Variants in STOX1 observed in about 807,000 individuals in gnomAD.
STOX1 encodes the protein storkhead box 1.
Under a neutral mutation model 74.8 loss-of-function variants are expected in STOX1, and 57 were observed. That is an observed-to-expected ratio of 0.76 (90% CI 0.62 to 0.95). The LOEUF (loss-of-function observed/expected upper bound fraction) is 0.95. Among genes scored for constraint, STOX1 ranks in the 40% least tolerant of loss-of-function variants. The pLI, the probability that STOX1 is intolerant of heterozygous loss-of-function variation, is 0.00. For synonymous variants in STOX1, 375 were observed against 401.3 expected, an observed-to-expected ratio of 0.93 and a Z score of 0.78; for missense variants, 1,010 against 1,117.0, an observed-to-expected ratio of 0.90 and a Z score of 1.37.
intron 1 of STOX1, among the ~76,000 whole-genome samples, chr10:68,846,158 ATT>A (rs1839850774): frequency 1.5e-5 from 2 of 130,450 alleles, no homozygotes; most frequent in Non-Finnish European, 1.7e-5. Context: ...TATTATTATT[ATT>A]ATTTGAGACG....
chr10:68,878,467 T>A (rs1187974036), intron 1 of STOX1, among the ~76,000 whole-genome samples: 1 of 152,150 alleles, frequency 6.6e-6, no homozygotes, highest in East Asian at 1.9e-4. Context: ...GCTAATTAAT[T>A]GATTAGCCAT....
rs115758153 is a variant in STOX1 at position 68,892,845 on chromosome 10, A to G, written c.*109A>G. 5.9e-4 allele frequency: 717 copies of G among 1,211,952 alleles called. 4 individuals are homozygous for G. In the African/African-American group the frequency reaches 1.0e-2, roughly 17 times the overall value. The allele number at this position is 1,211,952 out of a possible 1,614,324, so 75.1% of individuals were successfully genotyped here. On this transcript the variant is annotated 3_prime_UTR_variant, in exon 4 of 4. Transcript: ENST00000298596. ...ATAAGAATTGTCTAAAGGCAAGCAT[A>G]TCTATACTATTAACCACATTACACA...
chr10:68,845,030 T>C (rs1839802831), intron 1 of STOX1, among the ~76,000 whole-genome samples: 1 of 152,172 alleles, frequency 6.6e-6, no homozygotes, highest in East Asian at 1.9e-4. Context: ...CCCAGAGTGC[T>C]GGGATTATAG....
In STOX1 at chr10:68,884,465, C is replaced by T; in HGVS notation, c.669C>T (p.Ser223=). 6.2e-7 allele frequency: 1 copy of T among 1,613,882 alleles called. No homozygotes were observed. Among genetic ancestry groups the T allele is most frequent in the Non-Finnish European group, 8.5e-7 (1 of 1,180,034 alleles). ...CAGCTTCCATGACATATCTGGTGAG[C>T]ATGGAGAGCTGTGCAGAGTCAGCCC... ...LMPASMTYLV[S]MESCAESAQE... The change falls in exon 3 of 4, where the codon AGC becomes AGT. Residue 223 remains serine (S), a synonymous_variant. Coordinates refer to ENST00000298596, the MANE Select transcript of STOX1 (RefSeq NM_152709.5).
At chr10:68,866,847 G>C (rs1194403536) in intron 1 of STOX1, among the ~76,000 whole-genome samples, 1 of 152,168 alleles carries the variant, frequency 6.6e-6, no homozygotes, top group East Asian at 1.9e-4. Flanking sequence ...CCCTGGTTTG[G>C]AACGGGGCCC....
chr10:68,890,106 T>C (rs772776026), intron 3 of STOX1, among the ~76,000 whole-genome samples: 2 of 152,002 alleles, frequency 1.3e-5, no homozygotes, highest in African/African-American at 4.8e-5. Flanking sequence ...CACAAGCTTG[T>C]TCTTTTTAAT....
At chr10:68,890,347 A>G (rs947242233) in intron 3 of STOX1, among the ~76,000 whole-genome samples, 12 of 149,242 alleles carry the variant, frequency 8.0e-5, no homozygotes, top group Admixed American at 8.0e-4. Flanking sequence ...TATTTTGTTA[A>G]GAATGAGGTC....
chr10:68,833,987 C>T (rs1839478480), intron 1 of STOX1, among the ~76,000 whole-genome samples: 1 of 152,164 alleles, frequency 6.6e-6, no homozygotes, highest in Admixed American at 6.6e-5. Flanking sequence ...TGGAAACTGG[C>T]TGGTTCACAC....
intron 1 of STOX1, among the ~76,000 whole-genome samples, chr10:68,872,553 GC>G (rs1278023186): frequency 6.6e-6 from 1 of 151,916 alleles, no homozygotes; most frequent in African/African-American, 2.4e-5. Context: ...CACCATGTTG[GC>G]CAGGCTGGTC....
chr10:68,835,968 T>C (rs1317990678), intron 1 of STOX1, among the ~76,000 whole-genome samples: 1 of 152,042 alleles, frequency 6.6e-6, no homozygotes, highest in Non-Finnish European at 1.5e-5. Context: ...TCCTCCTGGG[T>C]TCAAGCAATT....
chr10:68,844,280 TATGTCTGGATC>T (rs1839775124), intron 1 of STOX1, among the ~76,000 whole-genome samples: 1 of 149,862 alleles, frequency 6.7e-6, no homozygotes. Context: ...GCTTGTTTGC[TATGTCTGGATC>T]TTCTTTTTTT....
chr10:68,878,707 A>C (rs750503525), intron 1 of STOX1, among the ~76,000 whole-genome samples: 2 of 152,208 alleles, frequency 1.3e-5, no homozygotes, highest in African/African-American at 4.8e-5. Context: ...CTTCATGCAG[A>C]TACAATAAGA....
At chr10:68,882,241 C>G in intron 2 of STOX1, 131 bp downstream of exon 2, 1 of 857,776 alleles carries the variant, frequency 1.2e-6, no homozygotes, top group East Asian at 2.6e-5. Flanking sequence ...TATCAGAACC[C>G]TGCCAGAAGA....
At chr10:68,857,217 T>G (rs1007042) in intron 1 of STOX1, among the ~76,000 whole-genome samples, 68,330 of 151,820 alleles carry the variant, frequency 0.45, 15,971 homozygotes, top group Middle Eastern at 0.53. Context: ...CAGGGTGGTA[T>G]GATGAAAGAT....
intron 1 of STOX1, among the ~76,000 whole-genome samples, chr10:68,858,355 T>C (rs539928937): frequency 6.6e-6 from 1 of 152,150 alleles, no homozygotes; most frequent in South Asian, 2.1e-4. Flanking sequence ...AATGGCCTTG[T>C]GAACATATAC....
At chr10:68,833,950 G>A (rs1317258046) in intron 1 of STOX1, among the ~76,000 whole-genome samples, 1 of 152,160 alleles carries the variant, frequency 6.6e-6, no homozygotes, top group African/African-American at 2.4e-5. Flanking sequence ...AGTTCAAGAG[G>A]GGATAGCTGA....
intron 1 of STOX1, among the ~76,000 whole-genome samples, chr10:68,865,157 G>A (rs891136695): frequency 4.6e-5 from 7 of 152,158 alleles, no homozygotes; most frequent in South Asian, 2.1e-4. Flanking sequence ...AATCTTTTAC[G>A]AGTAGGTTCA....
intron 1 of STOX1, among the ~76,000 whole-genome samples, chr10:68,830,350 A>T (rs922835076): frequency 6.6e-6 from 1 of 151,692 alleles, no homozygotes; most frequent in Non-Finnish European, 1.5e-5. Context: ...ATTTAATTTA[A>T]TTTTTTTTGT....
chr10:68,893,240 G>C (rs556351129), downstream of STOX1, among the ~76,000 whole-genome samples: 1 of 152,312 alleles, frequency 6.6e-6, no homozygotes, highest in Non-Finnish European at 1.5e-5. Context: ...TACCAAGAAA[G>C]AGTTTACATA....
Sources: allele counts gnomAD v4.1 joint callset (sites outside exome capture counted in the v4.1 genomes callset), GRCh38; gene constraint gnomAD v4.1.1; transcripts MANE v1.5; gene names NCBI Gene and HGNC (gene_info 2026-07-23, HGNC 2026-07-21).